The following CD226 variants were observed in gnomAD, a reference collection of about 807,000 sequenced individuals.
The protein encoded by CD226 is CD226 antigen.
In CD226, 24 loss-of-function variants were observed where a neutral mutation model predicts 34.9. The observed-to-expected ratio is 0.69, with a 90% confidence interval of 0.50 to 0.97. The LOEUF (loss-of-function observed/expected upper bound fraction) is 0.97. Among genes scored for constraint, CD226 ranks in the 50% least tolerant of loss-of-function variants. The pLI, the probability that CD226 is intolerant of heterozygous loss-of-function variation, is 0.00. For missense variants in CD226, 397 were observed against 412.7 expected (o/e 0.96, Z 0.33); for synonymous variants, 148 against 147.4 (o/e 1.00, Z -0.03).
intron 4 of CD226, among the ~76,000 whole-genome samples, chr18:69,869,616 C>T (rs981118833): frequency 6.6e-6 from 1 of 152,016 alleles, no homozygotes; most frequent in Non-Finnish European, 1.5e-5. Flanking sequence ...ACATGTTTGC[C>T]TATGTAACAA....
intron 2 of CD226, among the ~76,000 whole-genome samples, chr18:69,914,938 G>T (rs2055367709): frequency 6.6e-6 from 1 of 152,306 alleles, no homozygotes; most frequent in East Asian, 1.9e-4. Context: ...AGTTTAAAGT[G>T]AGGGAAGATT....
At position 69,881,819 on chromosome 18, in the gene CD226, T is replaced by C. The variant is rs148331154; in HGVS notation, c.728-8573A>G. ...TGTTGCCTTGGCAGACCACCGGAAA[T>C]AATAGTAGCACAAAGTGTGTTGAAC... On this transcript the variant is annotated intron_variant, in intron 3 of 5. Coordinates refer to ENST00000582621, the MANE Select transcript of CD226 (RefSeq NM_001303618.2). 6.6e-3 allele frequency among the ~76,000 whole-genome samples: 999 copies of C among 152,326 alleles called. 2 individuals carry two copies. Among genetic ancestry groups the C allele is most frequent in the Non-Finnish European group, 0.011 (732 of 68,026 alleles).
At chr18:69,951,290 T>C (rs2055852369), upstream of CD226, among the ~76,000 whole-genome samples, 1 of 151,942 alleles carries the variant, frequency 6.6e-6, no homozygotes, top group Non-Finnish European at 1.5e-5. Context: ...AAAACTATGA[T>C]TGATTTGAGG....
rs554105456 is a variant in CD226, at chr18:69,855,261, T to A, written c.*9053A>T. On this transcript the variant is annotated 3_prime_UTR_variant, in exon 6 of 6. Coordinates refer to ENST00000582621, the MANE Select transcript of CD226 (RefSeq NM_001303618.2). ...CTTATCATTAATATGTTAAGAGCTC[T>A]CATGAAAAAAATAGACAACAGATGG... 6.6e-6 allele frequency: 1 copy of A among 151,838 alleles called. No homozygotes were observed. Among genetic ancestry groups the A allele is most frequent in the African/African-American group, 2.4e-5 (1 of 41,412 alleles). The allele number at this position is 151,838 out of a possible 1,614,324, so 9.4% of individuals were successfully genotyped here. A position where few individuals can be genotyped will look rare whatever the true frequency, so the allele number is the denominator to read the frequency against.
intron 2 of CD226, among the ~76,000 whole-genome samples, chr18:69,944,137 C>T (rs1024388528): frequency 6.6e-6 from 1 of 152,130 alleles, no homozygotes; most frequent in Non-Finnish European, 1.5e-5. Context: ...TTTAAACTCA[C>T]TATCATTCTT....
chr18:69,897,744 G>A (rs1471403157), intron 2 of CD226, among the ~76,000 whole-genome samples: 10 of 152,296 alleles, frequency 6.6e-5, no homozygotes, highest in East Asian at 3.9e-4. Flanking sequence ...GTCACATTTC[G>A]AAAGAGAGAA....
At chr18:69,869,732 G>A (rs377235045) in intron 4 of CD226, among the ~76,000 whole-genome samples, 24 of 150,834 alleles carry the variant, frequency 1.6e-4, no homozygotes, top group South Asian at 4.2e-4. Flanking sequence ...TTGGATTTAC[G>A]TTGACCAGCC....
chr18:69,855,353 T>C lies in CD226; in HGVS notation c.*8961A>G, dbSNP rs1982581099. The C allele has an allele frequency of 1.3e-5, 2 of 151,986 alleles. No individual in the cohort carries two copies. Among genetic ancestry groups the C allele is most frequent in the Non-Finnish European group, 2.9e-5 (2 of 67,984 alleles). The allele number at this position is 151,986 out of a possible 1,614,324, so 9.4% of individuals were successfully genotyped here. Reference sequence around the variant, plus strand: ...AAAGAAATGGTAGCAATAAAAAACATAGTAATAGAAAGGAAGGATATCTTT... The same window carrying C: ...AAAGAAATGGTAGCAATAAAAAACACAGTAATAGAAAGGAAGGATATCTTT... On this transcript the variant is annotated 3_prime_UTR_variant, in exon 6 of 6. Transcript: ENST00000582621.
In CD226 at chr18:69,874,829, T is replaced by G. The variant is rs189541604; in HGVS notation, c.728-1583A>C. Among the ~76,000 whole-genome samples the G allele has an allele frequency of 2.7e-3, 413 of 152,336 alleles. 3 individuals carry two copies. The highest frequency in any genetic ancestry group is 9.2e-3 in the African/African-American group (383 of 41,584). On this transcript the variant is annotated intron_variant, in intron 3 of 5. Transcript: ENST00000582621. Reference sequence around the variant, plus strand: ...CACAAATAAGTGAAGTCATACAAAATTTTTTCTTTTTGTGTCTGGCTTATT... The same window carrying G: ...CACAAATAAGTGAAGTCATACAAAAGTTTTTCTTTTTGTGTCTGGCTTATT...
intron 3 of CD226, among the ~76,000 whole-genome samples, chr18:69,893,776 C>T (rs1371004237): frequency 1.3e-5 from 2 of 152,172 alleles, no homozygotes; most frequent in African/African-American, 2.4e-5. Context: ...CAATGTATGT[C>T]TCACCACAGT....
Position 69,858,220 on chromosome 18 carries a change from T to C in CD226, c.*6094A>G, listed in dbSNP as rs1982666633. 1 of 152,198 alleles carries C rather than the reference T, an allele frequency of 6.6e-6. No individual in the cohort carries two copies. The highest frequency in any genetic ancestry group is 6.5e-5 in the Admixed American group (1 of 15,282). The allele number at this position is 152,198 out of a possible 1,614,324, so 9.4% of individuals were successfully genotyped here. ...TTAAAACAATCTTGGATATATTTAG[T>C]TACATCTGGAATAAACTCAGGTATT... On this transcript the variant is annotated 3_prime_UTR_variant, in exon 6 of 6. Coordinates refer to ENST00000582621, the MANE Select transcript of CD226 (RefSeq NM_001303618.2).
intron 3 of CD226, among the ~76,000 whole-genome samples, chr18:69,882,395 A>C (rs1271405897): frequency 6.6e-6 from 1 of 152,238 alleles, no homozygotes; most frequent in African/African-American, 2.4e-5. Context: ...TGTATTAGCT[A>C]CTTCTTCTGG....
Position 69,860,547 on chromosome 18 carries a change from A to G in CD226, c.*3767T>C, listed in dbSNP as rs886546576. 1 of 152,196 alleles carries G rather than the reference A, an allele frequency of 6.6e-6. No individual in the cohort carries two copies. Among genetic ancestry groups the G allele is most frequent in the African/African-American group, 2.4e-5 (1 of 41,460 alleles). The allele number at this position is 152,196 out of a possible 1,614,324, so 9.4% of individuals were successfully genotyped here. Reference sequence around the variant, plus strand: ...ATTTCCTTAGAAAGCATTGCAGTTAATTCTAGAAGCTATTTTTCTACCTAT... The same window carrying G: ...ATTTCCTTAGAAAGCATTGCAGTTAGTTCTAGAAGCTATTTTTCTACCTAT... On this transcript the variant is annotated 3_prime_UTR_variant, in exon 6 of 6. Coordinates refer to ENST00000582621, the MANE Select transcript of CD226 (RefSeq NM_001303618.2).
At chr18:69,931,834 A>G (rs2055592887) in intron 2 of CD226, among the ~76,000 whole-genome samples, 1 of 152,212 alleles carries the variant, frequency 6.6e-6, no homozygotes, top group Non-Finnish European at 1.5e-5. Flanking sequence ...ACTTATTCCC[A>G]TCACCTCTGC....
chr18:69,908,740 T>C (rs1321862551), intron 2 of CD226, among the ~76,000 whole-genome samples: 1 of 152,216 alleles, frequency 6.6e-6, no homozygotes, highest in Non-Finnish European at 1.5e-5. Context: ...AAAGCACATG[T>C]TCTTTAGCAA....
At chr18:69,879,792 G>T (rs1415905952) in intron 3 of CD226, among the ~76,000 whole-genome samples, 1 of 152,196 alleles carries the variant, frequency 6.6e-6, no homozygotes, top group Non-Finnish European at 1.5e-5. Context: ...AAATTCTTCT[G>T]CCATGGCTTC....
At chr18:69,954,628 GGGA>G (rs1029180206) in intron 1 of CD226, among the ~76,000 whole-genome samples, 3 of 152,058 alleles carry the variant, frequency 2.0e-5, no homozygotes, top group African/African-American at 7.3e-5. Flanking sequence ...TGAGGTTCAT[GGGA>G]GGAGGACTGG....
intron 2 of CD226, among the ~76,000 whole-genome samples, chr18:69,933,284 T>A (rs1193087437): frequency 2.6e-5 from 4 of 152,206 alleles, no homozygotes; most frequent in African/African-American, 9.6e-5. Context: ...GTCCAAAATC[T>A]GGACCTTCCA....
intron 1 of CD226, among the ~76,000 whole-genome samples, chr18:69,953,443 T>C (rs564650869): frequency 6.6e-6 from 1 of 152,308 alleles, no homozygotes; most frequent in African/African-American, 2.4e-5. Flanking sequence ...GATAACATTA[T>C]GCTAAGTCAA....
Sources: gnomAD v4.1 joint callset for allele counts (sites outside exome capture counted in the v4.1 genomes callset) on GRCh38, gnomAD v4.1.1 for gene constraint, MANE v1.5 for transcripts, NCBI Gene and HGNC (gene_info 2026-07-23, HGNC 2026-07-21) for gene names.